The following SUSD5 variants were observed in gnomAD, a reference collection of about 807,000 sequenced individuals.
The protein encoded by SUSD5 is sushi domain containing 5.
In SUSD5, 33 loss-of-function variants were observed where a neutral mutation model predicts 29.5. That is an observed-to-expected ratio of 1.12 (90% CI 0.85 to 1.49). SUSD5 has a LOEUF of 1.49. Ranked by LOEUF, SUSD5 falls within the 40% of genes most tolerant of loss-of-function variation. The pLI is 0.00. For missense variants in SUSD5, 776 were observed against 800.6 expected (o/e 0.97, Z 0.37); for synonymous variants, 308 against 325.3 (o/e 0.95, Z 0.57).
chr3:33,199,567 C>G (rs183679164), intron 3 of SUSD5, among the ~76,000 whole-genome samples: 83 of 152,264 alleles, frequency 5.5e-4, no homozygotes, highest in African/African-American at 1.9e-3. Context: ...GCCACCACGC[C>G]CAACCAAAAA....
At chr3:33,170,005 C>T (rs928119868) in intron 4 of SUSD5, among the ~76,000 whole-genome samples, 4 of 152,082 alleles carry the variant, frequency 2.6e-5, no homozygotes, top group Non-Finnish European at 5.9e-5. Context: ...GCAACCTCCG[C>T]CTCCCGGGTT....
intron 3 of SUSD5, among the ~76,000 whole-genome samples, chr3:33,185,950 T>TG (rs1559451492): frequency 2.0e-5 from 3 of 151,856 alleles, no homozygotes; most frequent in Non-Finnish European, 4.4e-5. Context: ...ATGTTACAAT[T>TG]AAAAAAAATT....
At chr3:33,205,997 C>T (rs951852509) in intron 3 of SUSD5, among the ~76,000 whole-genome samples, 3 of 152,110 alleles carry the variant, frequency 2.0e-5, no homozygotes, top group Non-Finnish European at 2.9e-5. Flanking sequence ...ATACTACTGA[C>T]GAAAAAAGGT....
At chr3:33,157,540 C>T (rs1216762733) in intron 4 of SUSD5, among the ~76,000 whole-genome samples, 2 of 152,158 alleles carry the variant, frequency 1.3e-5, no homozygotes, top group East Asian at 3.8e-4. Flanking sequence ...CTGTGGAAGA[C>T]AGACTGCAAT....
At chr3:33,172,150 G>A (rs2031439065) in intron 4 of SUSD5, among the ~76,000 whole-genome samples, 1 of 150,230 alleles carries the variant, frequency 6.7e-6, no homozygotes, top group African/African-American at 2.5e-5. Flanking sequence ...CCAATTTGAA[G>A]CAATTCATCT....
rs1405943397 is a variant in SUSD5 at position 33,152,972 on chromosome 3, C to T, written c.1660G>A (p.Glu554Lys). Residue 554 changes from glutamate (E) to lysine (K), a missense_variant, in exon 5 of 5, where the codon GAG becomes AAG. Transcript: ENST00000309558. ...QEGPGPGASE[E>K]LHPTLESCVG... is the part of the protein sequence containing the mutation. ...CACGACTCCAAGGTGGGATGAAGCT[C>T]CTCACTTGCACCTGGCCCGGGGCCT... The T allele has an allele frequency of 1.2e-6, 2 of 1,613,966 alleles. No homozygotes were observed. The highest frequency in any genetic ancestry group is 1.7e-6 in the Non-Finnish European group (2 of 1,179,878).
intron 3 of SUSD5, among the ~76,000 whole-genome samples, chr3:33,178,165 C>T (rs1280136063): frequency 1.3e-5 from 2 of 152,174 alleles, no homozygotes; most frequent in Non-Finnish European, 2.9e-5. Context: ...AAGTTCCCCT[C>T]TATTCCTGGT....
intron 3 of SUSD5, among the ~76,000 whole-genome samples, chr3:33,186,429 CT>C (rs11372293): frequency 0.015 from 2,243 of 146,198 alleles, 42 homozygotes; most frequent in African/African-American, 0.049. Flanking sequence ...TCCTTTCTTT[CT>C]TTTTTTTTTT....
At chr3:33,185,537 TGA>T (rs34772435) in intron 3 of SUSD5, among the ~76,000 whole-genome samples, 2,064 of 152,324 alleles carry the variant, frequency 0.014, 38 homozygotes, top group East Asian at 0.083. Context: ...AGGTAACTTG[TGA>T]TTATCTGTTT....
Position 33,180,848 on chromosome 3 carries a change from AAT to A in SUSD5, c.410-5776_410-5775del, listed in dbSNP as rs200211483. The stretch of plus-strand genomic sequence containing the variant: ...GAGCAAGACTTTGCCTCAAAAAAAA[AAT>A]TTTTTTTTTTTTTTGTAGACATAGG... On this transcript the variant is annotated intron_variant, in intron 3 of 4. Coordinates refer to ENST00000309558, the MANE Select transcript of SUSD5 (RefSeq NM_015551.2). Among the ~76,000 whole-genome samples, 125 of 149,634 alleles carry A rather than the reference AAT, an allele frequency of 8.4e-4. 1 individual carries two copies. The East Asian group carries it at 0.012, about 14-fold the overall frequency.
chr3:33,190,626 G>A (rs115108079), intron 3 of SUSD5, among the ~76,000 whole-genome samples: 82 of 152,212 alleles, frequency 5.4e-4, no homozygotes, highest in African/African-American at 1.9e-3. Context: ...TACTGAGGGA[G>A]TTCAGGAAAT....
At position 33,153,805 on chromosome 3, in the gene SUSD5, C is replaced by T. The variant is rs751573307; in HGVS notation, c.827G>A (p.Gly276Glu). The T allele has an allele frequency of 1.9e-6, 3 of 1,613,886 alleles. No homozygotes were observed. In the African/African-American group the frequency reaches 4.0e-5, roughly 22 times the overall value. Residue 276 changes from glycine to glutamate, a missense_variant, in exon 5 of 5, where the codon GGG becomes GAG. Transcript: ENST00000309558. ...FVPTTGLPGAGSSVPADSPGS... is the reference protein window; with the variant it reads ...FVPTTGLPGAESSVPADSPGS... The stretch of plus-strand genomic sequence containing the variant: ...TGGTGAATCTGCGGGGACACTGCTC[C>T]CAGCACCAGGCAAGCCTGTGGTTGG...
At chr3:33,192,166 C>T (rs2031906120) in intron 3 of SUSD5, among the ~76,000 whole-genome samples, 1 of 151,828 alleles carries the variant, frequency 6.6e-6, no homozygotes, top group South Asian at 2.1e-4. Context: ...CTCCACATCC[C>T]AGGTTCAAGC....
At position 33,202,846 on chromosome 3, in the gene SUSD5, A is replaced by G. The variant is rs115291368; in HGVS notation, c.409+4962T>C. Among the ~76,000 whole-genome samples the G allele has an allele frequency of 3.1e-3, 479 of 152,330 alleles. 4 individuals are homozygous for G. The highest frequency in any genetic ancestry group is 0.011 in the African/African-American group (466 of 41,572). ...AGTCTACATTCACGATGAACTTTATAAAGAAACACAGGAGGAAGCTGCCTG... is the reference window on the plus strand; with the variant it reads ...AGTCTACATTCACGATGAACTTTATGAAGAAACACAGGAGGAAGCTGCCTG... On this transcript the variant is annotated intron_variant, in intron 3 of 4. Coordinates refer to ENST00000309558, the MANE Select transcript of SUSD5 (RefSeq NM_015551.2).
At chr3:33,188,546 C>G (rs1159930872) in intron 3 of SUSD5, among the ~76,000 whole-genome samples, 6 of 152,170 alleles carry the variant, frequency 3.9e-5, no homozygotes, top group Non-Finnish European at 8.8e-5. Context: ...GACTCTGTAG[C>G]TGAGGCCCCA....
chr3:33,174,948 G>A lies in SUSD5; in HGVS notation c.536C>T (p.Ala179Val). The part of the protein sequence containing the change: ...PGHIMGHRET[A>V]FTLLCNSCGE... ...ACAGCTGTTACATAGCAAGGTGAAG[G>A]CGGTCTCCCGGTGGCCCATGATGTG... The change falls in exon 4 of 5, where the codon GCC becomes GTC. Residue 179 changes from alanine (A) to valine (V), a missense_variant. Ala to Val is a moderately conservative substitution (Grantham distance 64). Coordinates refer to ENST00000309558, the MANE Select transcript of SUSD5 (RefSeq NM_015551.2). The A allele has an allele frequency of 6.2e-7, 1 of 1,614,024 alleles. No individual in the cohort carries two copies. Among genetic ancestry groups the A allele is most frequent in the Non-Finnish European group, 8.5e-7 (1 of 1,179,902 alleles).
intron 4 of SUSD5, among the ~76,000 whole-genome samples, chr3:33,160,617 A>G (rs1289152970): frequency 1.3e-5 from 2 of 152,136 alleles, no homozygotes; most frequent in African/African-American, 2.4e-5. Context: ...ACAAAACTTA[A>G]TAAGAAAGTG....
In SUSD5 at chr3:33,160,814, G is replaced by T. The variant is rs1450628837; in HGVS notation, c.599-6781C>A. The stretch of plus-strand genomic sequence containing the variant: ...ATAAAACCAGAAAAAAAAGACAGAA[G>T]AGACATATTCAAGAATCACTACAAA... On this transcript the variant is annotated intron_variant, in intron 4 of 4. Coordinates refer to ENST00000309558, the MANE Select transcript of SUSD5 (RefSeq NM_015551.2). 2.0e-5 allele frequency among the ~76,000 whole-genome samples: 3 copies of T among 151,802 alleles called. No homozygotes were observed. The East Asian group carries it at 5.8e-4, about 29-fold the overall frequency.
intron 3 of SUSD5, among the ~76,000 whole-genome samples, chr3:33,187,219 A>G (rs1379724625): frequency 2.0e-5 from 3 of 152,216 alleles, no homozygotes; most frequent in Non-Finnish European, 2.9e-5. Flanking sequence ...TAAGGAACAC[A>G]GGGAAACTGT....
Sources: gnomAD v4.1 joint callset for allele counts (sites outside exome capture counted in the v4.1 genomes callset) on GRCh38, gnomAD v4.1.1 for gene constraint, MANE v1.5 for transcripts, NCBI Gene and HGNC (gene_info 2026-07-23, HGNC 2026-07-21) for gene names.